Variants in RSBN1L observed in about 807,000 individuals in gnomAD.
The protein encoded by RSBN1L is lysine-specific demethylase RSBN1L.
In RSBN1L, 30 loss-of-function variants were observed where a neutral mutation model predicts 67.7. That is an observed-to-expected ratio of 0.44 (90% CI 0.33 to 0.60). RSBN1L has a LOEUF of 0.60. Among genes scored for constraint, RSBN1L ranks in the 20% least tolerant of loss-of-function variants. The pLI is 0.02. For synonymous variants in RSBN1L, 433 were observed against 387.0 expected (o/e 1.12, Z -1.39); for missense variants, 992 against 1,031.7 (o/e 0.96, Z 0.53).
chr7:77,778,915 A>G lies in RSBN1L; in HGVS notation c.2288A>G (p.Lys763Arg), dbSNP rs1402648260. ...KHEPIASVRI[K>R]EEPVNVNIPE... The stretch of plus-strand genomic sequence containing the variant: ...GAACCTATTGCATCTGTAAGAATCA[A>G]GGAAGAACCTGTGAATGTTAATATT... Residue 763 changes from lysine to arginine, a missense_variant, in exon 8 of 8, where the codon AAG becomes AGG. By Grantham distance (26) the Lys-to-Arg change is conservative (BLOSUM62 2). Transcript: ENST00000334955. 8 of 1,613,950 alleles carry G rather than the reference A, an allele frequency of 5.0e-6. No homozygotes were observed. The highest frequency in any genetic ancestry group is 1.7e-5 in the Admixed American group (1 of 59,996).
intron 1 of RSBN1L, among the ~76,000 whole-genome samples, chr7:77,701,306 A>C (rs1287459428): frequency 6.6e-6 from 1 of 151,872 alleles, no homozygotes; most frequent in Non-Finnish European, 1.5e-5. Context: ...CATTCTGGGA[A>C]TTTCTTTAAC....
intron 2 of RSBN1L, among the ~76,000 whole-genome samples, chr7:77,740,572 T>C (rs1791394981): frequency 6.6e-6 from 1 of 152,208 alleles, no homozygotes; most frequent in South Asian, 2.1e-4. Context: ...TTTTCCTATA[T>C]GTAATAATGG....
At chr7:77,717,826 T>G (rs1379707793) in intron 1 of RSBN1L, among the ~76,000 whole-genome samples, 1 of 152,198 alleles carries the variant, frequency 6.6e-6, no homozygotes, top group Non-Finnish European at 1.5e-5. Context: ...AAGACCAGCC[T>G]GGCCAACATG....
chr7:77,715,825 T>C (rs763167288), intron 1 of RSBN1L, among the ~76,000 whole-genome samples: 2 of 152,208 alleles, frequency 1.3e-5, no homozygotes, highest in Non-Finnish European at 2.9e-5. Flanking sequence ...TAGTAGTTCA[T>C]TGTAGTTTTA....
chr7:77,734,281 T>A (rs541468613), intron 1 of RSBN1L, among the ~76,000 whole-genome samples: 101 of 152,306 alleles, frequency 6.6e-4, no homozygotes, highest in Non-Finnish European at 1.1e-3. Flanking sequence ...ACATTAATAT[T>A]ATACTTTAAT....
In RSBN1L at chr7:77,780,928, C is replaced by G. The variant is rs917197710; in HGVS notation, c.*1760C>G. 8 of 152,198 alleles carry G rather than the reference C, an allele frequency of 5.3e-5. No individual in the cohort carries two copies. Among genetic ancestry groups the G allele is most frequent in the African/African-American group, 1.7e-4 (7 of 41,454 alleles). 9.4% of individuals were successfully genotyped at this position (152,198 alleles called of 1,614,324 possible). The stretch of plus-strand genomic sequence containing the variant: ...GTAAGAAACTCTGCTCATTGCAAAT[C>G]TATTTTGTTTGTTTTTGGTATTATT... On this transcript the variant is annotated 3_prime_UTR_variant, in exon 8 of 8. Coordinates refer to ENST00000334955, the MANE Select transcript of RSBN1L (RefSeq NM_198467.3).
Position 77,782,237 on chromosome 7 carries a change from G to C in RSBN1L, c.*3069G>C, listed in dbSNP as rs928361321. ...TTCTTTATCTGAATACAAGCGTTTT[G>C]CTTTTATTTCCAGTTTCTTGGACCA... On this transcript the variant is annotated 3_prime_UTR_variant, in exon 8 of 8. Transcript: ENST00000334955. The C allele has an allele frequency of 5.9e-5, 9 of 151,972 alleles. No individual in the cohort carries two copies. 9.4% of individuals were successfully genotyped at this position (151,972 alleles called of 1,614,324 possible). A position where few individuals can be genotyped will look rare whatever the true frequency, so the allele number is the denominator to read the frequency against.
At position 77,750,070 on chromosome 7, in the gene RSBN1L, A is replaced by G. The variant is rs771103838; in HGVS notation, c.1344+6A>G. 46 of 1,521,102 alleles carry G rather than the reference A, an allele frequency of 3.0e-5. No homozygotes were observed. The highest frequency in any genetic ancestry group is 4.2e-5 in the African/African-American group (3 of 71,340). 94.2% of individuals were successfully genotyped at this position (1,521,102 alleles called of 1,614,324 possible). Reference sequence around the variant, plus strand: ...TGTCCAATTTTCATGCTCAGGTAAGAGGTTTTTAGTTTTATAAAATAACTT... The same window carrying G: ...TGTCCAATTTTCATGCTCAGGTAAGGGGTTTTTAGTTTTATAAAATAACTT... On this transcript the variant is annotated splice_donor_region_variant and intron_variant, in intron 3 of 7. Transcript: ENST00000334955.
rs377535906 is a variant in RSBN1L, at chr7:77,741,783, T to C, written c.703+5257T>C. ...AGGAGAAGCAAATTGGTATTTAAAA[T>C]GGCCTTTTTCCTTATTTTAAAATTT... On this transcript the variant is annotated intron_variant, in intron 2 of 7. Transcript: ENST00000334955. Among the ~76,000 whole-genome samples, 3 of 152,222 alleles carry C rather than the reference T, an allele frequency of 2.0e-5. No homozygotes were observed. In the South Asian group the frequency reaches 6.2e-4, roughly 32 times the overall value.
chr7:77,774,976 C>T (rs1791895122), intron 6 of RSBN1L, among the ~76,000 whole-genome samples: 1 of 152,106 alleles, frequency 6.6e-6, no homozygotes, highest in Non-Finnish European at 1.5e-5. Context: ...AGCCTCCTGC[C>T]TCAGCCTCCT....
chr7:77,759,733 A>G (rs966486448), intron 3 of RSBN1L: 11 of 152,224 alleles, frequency 7.2e-5, no homozygotes, highest in African/African-American at 2.2e-4. Context: ...GTGGATCACT[A>G]TGAAGGTATT....
At chr7:77,723,735 A>G (rs1791153608) in intron 1 of RSBN1L, among the ~76,000 whole-genome samples, 1 of 152,074 alleles carries the variant, frequency 6.6e-6, no homozygotes, top group Non-Finnish European at 1.5e-5. Flanking sequence ...GGAGTTCAAG[A>G]CCAGCCTGGC....
At chr7:77,722,116 G>T (rs978538478) in intron 1 of RSBN1L, among the ~76,000 whole-genome samples, 1 of 152,178 alleles carries the variant, frequency 6.6e-6, no homozygotes, top group Admixed American at 6.5e-5. Flanking sequence ...GGATGAGGAT[G>T]TGCCATTAAC....
At chr7:77,721,744 T>C (rs1235494754) in intron 1 of RSBN1L, among the ~76,000 whole-genome samples, 1 of 152,236 alleles carries the variant, frequency 6.6e-6, no homozygotes. Context: ...AAGGTGAGTC[T>C]TAACTGAAGA....
At chr7:77,725,335 G>A (rs1266531670) in intron 1 of RSBN1L, among the ~76,000 whole-genome samples, 1 of 99,250 alleles carries the variant, frequency 1.0e-5, no homozygotes, top group Non-Finnish European at 1.9e-5. Context: ...TGCAACCTCT[G>A]CCTCCTGGGT....
At chr7:77,773,530 C>T (rs1257639693) in intron 6 of RSBN1L, 9 of 312,822 alleles carry the variant, frequency 2.9e-5, no homozygotes, top group Non-Finnish European at 4.6e-5. Context: ...TTTGGGAGGC[C>T]GAGGTGGGTG....
At chr7:77,718,923 G>A (rs1791081538) in intron 1 of RSBN1L, among the ~76,000 whole-genome samples, 1 of 152,196 alleles carries the variant, frequency 6.6e-6, no homozygotes. Flanking sequence ...TTACTCACGT[G>A]CCTGTTGCTG....
intron 6 of RSBN1L, among the ~76,000 whole-genome samples, chr7:77,774,908 C>G (rs1791894263): frequency 6.6e-6 from 1 of 152,068 alleles, no homozygotes; most frequent in Non-Finnish European, 1.5e-5. Context: ...GTTGCCCAGG[C>G]TATAGTTCAG....
intron 1 of RSBN1L, among the ~76,000 whole-genome samples, chr7:77,705,605 G>A (rs987952754): frequency 2.8e-5 from 4 of 140,636 alleles, no homozygotes; most frequent in Non-Finnish European, 6.0e-5. Context: ...TCTGCCTCCC[G>A]GGTTCCAGTG....
Sources: gnomAD v4.1 joint callset for allele counts (sites outside exome capture counted in the v4.1 genomes callset) on GRCh38, gnomAD v4.1.1 for gene constraint, MANE v1.5 for transcripts, NCBI Gene and HGNC (gene_info 2026-07-23, HGNC 2026-07-21) for gene names.